The following HYDIN variants were observed in gnomAD, a reference collection of about 807,000 sequenced individuals.
The protein encoded by HYDIN is HYDIN axonemal central pair apparatus protein.
HYDIN carries 132 observed loss-of-function variants against 403.9 expected under a neutral mutation model. That is an observed-to-expected ratio of 0.33 (90% CI 0.28 to 0.38). The LOEUF is 0.38. Among genes scored for constraint, HYDIN ranks in the 10% least tolerant of loss-of-function variants. The probability of loss-of-function intolerance (pLI) is 1.00; values close to 1 mark genes in which losing one functional copy is unlikely to be tolerated. For missense variants in HYDIN, 2,827 were observed against 5,009.5 expected, an observed-to-expected ratio of 0.56 and a Z score of 13.15; for synonymous variants, 1,202 against 1,891.7, an observed-to-expected ratio of 0.64 and a Z score of 9.46.
chr16:70,954,899 C>T (rs576678730), intron 40 of HYDIN, among the ~76,000 whole-genome samples: 5 of 152,142 alleles, frequency 3.3e-5, no homozygotes, highest in Non-Finnish European at 5.9e-5. Flanking sequence ...GACCAGTTTC[C>T]CTGCTTTTTT....
At chr16:70,960,049 C>T (rs554332452) in intron 38 of HYDIN, among the ~76,000 whole-genome samples, 1 of 152,308 alleles carries the variant, frequency 6.6e-6, no homozygotes, top group East Asian at 1.9e-4. Context: ...ACCCCACTTT[C>T]ATTTTGGGGA....
intron 1 of HYDIN, among the ~76,000 whole-genome samples, chr16:71,194,195 A>G (rs1334682778): frequency 1.3e-5 from 2 of 152,122 alleles, no homozygotes; most frequent in African/African-American, 4.8e-5. Flanking sequence ...GGTAGATCAC[A>G]AGGTCAGGAG....
intron 84 of HYDIN, among the ~76,000 whole-genome samples, chr16:70,817,866 C>T (rs1306032305): frequency 3.9e-5 from 6 of 152,030 alleles, no homozygotes; most frequent in African/African-American, 1.4e-4. Context: ...CTCAGCCTCC[C>T]GAGTAGCTGG....
intron 75 of HYDIN, among the ~76,000 whole-genome samples, chr16:70,846,779 C>T (rs2038235874): frequency 1.6e-5 from 1 of 62,330 alleles, no homozygotes. Flanking sequence ...TTGAATTGAT[C>T]CCTTTACCAT....
chr16:70,884,000 G>C lies in HYDIN; in HGVS notation c.9899C>G (p.Ala3300Gly). The change falls in exon 59 of 86, where the codon GCC (alanine) becomes GGC (glycine). Residue 3300 changes from alanine (A) to glycine (G), a missense_variant. Coordinates refer to ENST00000393567, the MANE Select transcript of HYDIN (RefSeq NM_001270974.2). ...AGGGTCTCGGCCGGAGATATCGATG[G>C]CTATAAACTCCTCACACTTTCCCAT... ...DAMGKCEEFI[A>G]IDISGRDPAV... 1 of 1,614,206 alleles carries C rather than the reference G, an allele frequency of 6.2e-7. No individual in the cohort carries two copies. Among genetic ancestry groups the C allele is most frequent in the Non-Finnish European group, 8.5e-7 (1 of 1,180,040 alleles).
At position 70,868,738 on chromosome 16, in the gene HYDIN, C is replaced by T. The variant is rs768670148; in HGVS notation, c.11142G>A (p.Lys3714=). 3.7e-6 allele frequency: 6 copies of T among 1,613,928 alleles called. No individual in the cohort carries two copies. The African/African-American group carries it at 5.3e-5, about 14-fold the overall frequency. The change falls in exon 66 of 86, where the codon AAG becomes AAA. Residue 3714 remains lysine, a synonymous_variant. Coordinates refer to ENST00000393567, the MANE Select transcript of HYDIN (RefSeq NM_001270974.2). ...TCTTTAGGTTGATGGGTACATCTGA[C>T]TTCATGGTCACCACTATGTCCTTGG... is the stretch of plus-strand genomic sequence containing the variant. ...GCAKDIVVTM[K]SDVPINLKNM... is the part of the protein sequence containing the mutation.
At position 70,806,911 on chromosome 16, in the gene HYDIN, C is replaced by G. The variant is rs2035131464; in HGVS notation, c.*669G>C. Among the ~76,000 whole-genome samples, 2 of 152,234 alleles carry G rather than the reference C, an allele frequency of 1.3e-5. No homozygotes were observed. The highest frequency in any genetic ancestry group is 4.1e-4 in the South Asian group (2 of 4,826). ...AGAATCCCTGCTCTCCTGCTGAATGCTATCCAAGGCGGGGTGTGTATGTGT... is the reference window on the plus strand; with the variant it reads ...AGAATCCCTGCTCTCCTGCTGAATGGTATCCAAGGCGGGGTGTGTATGTGT... On this transcript the variant is annotated 3_prime_UTR_variant, in exon 86 of 86. Transcript: ENST00000393567.
At chr16:70,825,408 T>C (rs2143483652) in intron 83 of HYDIN, among the ~76,000 whole-genome samples, 1 of 149,396 alleles carries the variant, frequency 6.7e-6, no homozygotes, top group East Asian at 1.9e-4. Flanking sequence ...GAAATATTTC[T>C]TCAGTTATTT....
Position 71,184,865 on chromosome 16 carries a change from C to A in HYDIN, c.261G>T (p.Lys87Asn). The A allele has an allele frequency of 1.2e-6, 2 of 1,600,872 alleles. No homozygotes were observed. The highest frequency in any genetic ancestry group is 1.7e-6 in the Non-Finnish European group (2 of 1,171,566). ...LLDMGETTHQKFSGIDLDQAL... is the reference protein window; with the variant it reads ...LLDMGETTHQNFSGIDLDQAL... The stretch of plus-strand genomic sequence containing the variant: ...TGTAAGTACGACAGAGAGCAGCTAC[C>A]TTCTGATGTGTTGTTTCCCCCATAT... The change falls in exon 3 of 86, where the codon AAG (lysine) becomes AAT (asparagine). Residue 87 changes from lysine (K) to asparagine (N), a missense_variant and splice_region_variant. Coordinates refer to ENST00000393567, the MANE Select transcript of HYDIN (RefSeq NM_001270974.2).
intron 1 of HYDIN, among the ~76,000 whole-genome samples, chr16:71,212,327 A>G (rs1365064644): frequency 6.6e-6 from 1 of 152,176 alleles, no homozygotes; most frequent in Non-Finnish European, 1.5e-5. Context: ...CTAAGTCATA[A>G]ACTTACTTTC....
intron 78 of HYDIN, among the ~76,000 whole-genome samples, chr16:70,835,052 C>T (rs1476825979): frequency 7.0e-6 from 1 of 142,294 alleles, no homozygotes; most frequent in Non-Finnish European, 1.5e-5. Flanking sequence ...AGATGGAGTG[C>T]CGTGGTGCGA....
In HYDIN at chr16:71,226,928, C is replaced by T. The variant is rs180732368; in HGVS notation, c.-24+3634G>A. ...GAGACAATTTGAGACTATCTCCCAT[C>T]TCCACAGCTGCAGCACCCAAATAAA... On this transcript the variant is annotated intron_variant, in intron 1 of 85. Coordinates refer to ENST00000393567, the MANE Select transcript of HYDIN (RefSeq NM_001270974.2). Among the ~76,000 whole-genome samples the T allele has an allele frequency of 1.1e-3, 173 of 152,238 alleles. No individual in the cohort carries two copies. In the Middle Eastern group the frequency reaches 0.02, roughly 18 times the overall value.
intron 58 of HYDIN, among the ~76,000 whole-genome samples, chr16:70,885,765 G>A (rs1282540797): frequency 1.3e-5 from 2 of 152,144 alleles, no homozygotes; most frequent in African/African-American, 4.8e-5. Context: ...TAGAAGAGAT[G>A]AGAGTTATAG....
chr16:71,179,160 T>C, intron 3 of HYDIN, 113 bp from the exon 4 acceptor site: 1 of 746,666 alleles, frequency 1.3e-6, no homozygotes, highest in Non-Finnish European at 2.1e-6. Flanking sequence ...ATGGGAAATA[T>C]TCAAAAAGAA....
intron 18 of HYDIN, among the ~76,000 whole-genome samples, chr16:71,039,427 G>A (rs549786326): frequency 5.3e-5 from 8 of 152,284 alleles, no homozygotes; most frequent in South Asian, 2.1e-4. Context: ...GGTCCCTGGC[G>A]AAACCCTACC....
intron 57 of HYDIN, among the ~76,000 whole-genome samples, chr16:70,890,799 C>A (rs1774347): frequency 2.1e-4 from 31 of 150,920 alleles, no homozygotes; most frequent in Non-Finnish European, 4.0e-4. Context: ...AGCTTTGTGA[C>A]GGTGTCTTCA....
Position 71,129,843 on chromosome 16 carries a change from T to G in HYDIN, c.1044-20A>C. On this transcript the variant is annotated intron_variant, in intron 8 of 85. Transcript: ENST00000393567. The stretch of plus-strand genomic sequence containing the variant: ...CAGGCCCTAAAGAAAACAGGCAATG[T>G]GAGATTCATGTGGGTACTCCCATGA... 3 of 1,575,540 alleles carry G rather than the reference T, an allele frequency of 1.9e-6. No homozygotes were observed. Among genetic ancestry groups the G allele is most frequent in the Non-Finnish European group, 2.6e-6 (3 of 1,155,186 alleles).
intron 65 of HYDIN, 34 bp from the exon 66 acceptor site, chr16:70,868,822 A>C (rs1237102715): frequency 6.3e-7 from 1 of 1,580,284 alleles, no homozygotes; most frequent in Non-Finnish European, 8.6e-7. Context: ...ATTTTTGAGA[A>C]TCCGATCTTG....
chr16:71,050,041 T>G (rs952751160), intron 18 of HYDIN, among the ~76,000 whole-genome samples: 8 of 148,980 alleles, frequency 5.4e-5, no homozygotes, highest in African/African-American at 2.0e-4. Context: ...TGTGTGTGTG[T>G]GTGGGTGTGT....
Sources: allele counts gnomAD v4.1 joint callset (sites outside exome capture counted in the v4.1 genomes callset), GRCh38; gene constraint gnomAD v4.1.1; transcripts MANE v1.5; gene names NCBI Gene and HGNC (gene_info 2026-07-23, HGNC 2026-07-21).